The following MCF2L2 variants were observed in gnomAD, a reference collection of about 807,000 sequenced individuals.
MCF2L2 encodes probable guanine nucleotide exchange factor MCF2L2.
MCF2L2 carries 102 observed loss-of-function variants against 150.2 expected under a neutral mutation model. The observed-to-expected ratio is 0.68, with a 90% CI of 0.58 to 0.80. The LOEUF (loss-of-function observed/expected upper bound fraction) is 0.80. Ranked by LOEUF, MCF2L2 falls within the 30% of genes least tolerant of loss-of-function variation. The pLI, the probability that MCF2L2 is intolerant of heterozygous loss-of-function variation, is 0.00. For synonymous variants in MCF2L2, 465 were observed against 491.3 expected (o/e 0.95, Z 0.71); for missense variants, 1,256 against 1,372.8 (o/e 0.91, Z 1.34).
rs1426291190 is a variant in MCF2L2 at position 183,389,734 on chromosome 3, A to T, written c.122T>A (p.Ile41Lys). ...QEVRPLMAVE[I>K]IEQLHRQFAI... ...AAATTGTCTGTGAAGTTGTTCTATTATCTCCACCGCCATCAGGGGTCTGAC... is the reference window on the plus strand; with the variant it reads ...AAATTGTCTGTGAAGTTGTTCTATTTTCTCCACCGCCATCAGGGGTCTGAC... The change falls in exon 2 of 30, where the codon ATA becomes AAA. Residue 41 changes from isoleucine to lysine, a missense_variant. Ile to Lys is a moderately radical substitution (Grantham distance 102). Coordinates refer to ENST00000328913, the MANE Select transcript of MCF2L2 (RefSeq NM_015078.4). The T allele has an allele frequency of 6.2e-7, 1 of 1,614,196 alleles. No individual in the cohort carries two copies. The highest frequency in any genetic ancestry group is 1.7e-5 in the Admixed American group (1 of 60,026).
chr3:183,354,775 C>G (rs1711661269), intron 3 of MCF2L2, among the ~76,000 whole-genome samples: 1 of 152,160 alleles, frequency 6.6e-6, no homozygotes, highest in African/African-American at 2.4e-5. Flanking sequence ...TTAGGACCTC[C>G]TGAGGCTGTG....
chr3:183,247,333 G>C (rs1724304481), intron 15 of MCF2L2, among the ~76,000 whole-genome samples: 1 of 152,202 alleles, frequency 6.6e-6, no homozygotes, highest in African/African-American at 2.4e-5. Flanking sequence ...ACAGAAAAAG[G>C]GCTGGCTCAT....
chr3:183,249,158 A>C (rs984381502), intron 15 of MCF2L2, among the ~76,000 whole-genome samples: 3 of 152,210 alleles, frequency 2.0e-5, no homozygotes, highest in African/African-American at 7.2e-5. Context: ...CTCAATTTGC[A>C]TGTGCCCTCC....
intron 6 of MCF2L2, among the ~76,000 whole-genome samples, chr3:183,322,534 CTG>C (rs1282533068): frequency 1.3e-5 from 2 of 152,336 alleles, no homozygotes; most frequent in Non-Finnish European, 2.9e-5. Flanking sequence ...TAGAGAAATA[CTG>C]TGTTAGTCCC....
intron 10 of MCF2L2, among the ~76,000 whole-genome samples, chr3:183,304,107 T>C (rs1728983911): frequency 6.6e-6 from 1 of 152,206 alleles, no homozygotes; most frequent in Admixed American, 6.5e-5. Context: ...TAAATCATAT[T>C]TCAGACTTCA....
intron 15 of MCF2L2, among the ~76,000 whole-genome samples, chr3:183,244,370 G>T (rs1055822119): frequency 1.3e-5 from 2 of 152,142 alleles, no homozygotes; most frequent in African/African-American, 4.8e-5. Context: ...CAGACTGCAG[G>T]CTGCACTATC....
intron 1 of MCF2L2, among the ~76,000 whole-genome samples, chr3:183,395,917 C>CAAAAAAAAAAAAAAAAAAAAA (rs11338932): frequency 1.7e-5 from 1 of 58,102 alleles, no homozygotes; most frequent in Admixed American, 2.3e-4. Flanking sequence ...GACATCGTCT[C>CAAAAAAAAAAAAAAAAAAAAA]AAAAAAAAAA....
Position 183,297,122 on chromosome 3 carries a change from C to T in MCF2L2, c.1351G>A (p.Ala451Thr). ...EAGIYLLASQAVDKCQSREGV... is the reference protein window; with the variant it reads ...EAGIYLLASQTVDKCQSREGV... The stretch of plus-strand genomic sequence containing the variant: ...TCTCGAGACTGGCACTTGTCTACAG[C>T]TTGGGAAGCCAAGAGGTAGATTCCT... The change falls in exon 12 of 30, where the codon GCT (alanine) becomes ACT (threonine). Residue 451 changes from alanine (A) to threonine (T), a missense_variant. Ala to Thr is a moderately conservative substitution (Grantham distance 58). Coordinates refer to ENST00000328913, the MANE Select transcript of MCF2L2 (RefSeq NM_015078.4). The T allele has an allele frequency of 6.2e-7, 1 of 1,614,160 alleles. No individual in the cohort carries two copies. Among genetic ancestry groups the T allele is most frequent in the South Asian group, 1.1e-5 (1 of 91,084 alleles).
At chr3:183,273,299 G>C (rs1726944376) in intron 15 of MCF2L2, 2 of 303,768 alleles carry the variant, frequency 6.6e-6, no homozygotes, top group Non-Finnish European at 1.3e-5. Flanking sequence ...TTAAATATTT[G>C]TATTACTTGA....
chr3:183,223,684 T>C (rs1723242576), intron 19 of MCF2L2, among the ~76,000 whole-genome samples: 1 of 152,196 alleles, frequency 6.6e-6, no homozygotes, highest in African/African-American at 2.4e-5. Flanking sequence ...AACCATTTAT[T>C]TCTTTTAGAA....
At chr3:183,239,966 C>G (rs138936575) in intron 15 of MCF2L2, among the ~76,000 whole-genome samples, 1,990 of 152,270 alleles carry the variant, frequency 0.013, 13 homozygotes, top group Non-Finnish European at 0.019. Context: ...TTCAGTGGAA[C>G]TGACATTTTT....
intron 6 of MCF2L2, among the ~76,000 whole-genome samples, chr3:183,319,227 T>C (rs1729714478): frequency 6.6e-6 from 1 of 152,248 alleles, no homozygotes; most frequent in Admixed American, 6.5e-5. Flanking sequence ...AATCACTTTT[T>C]TTGCTCATCC....
chr3:183,315,922 G>C (rs978439413), intron 7 of MCF2L2, among the ~76,000 whole-genome samples: 1 of 152,186 alleles, frequency 6.6e-6, no homozygotes, highest in African/African-American at 2.4e-5. Context: ...TTGTCATCCC[G>C]GTGCTTCTGC....
rs1255163826 is a variant in MCF2L2 at position 183,318,143 on chromosome 3, T to C, written c.678A>G (p.Thr226=). Residue 226 remains threonine (T), a synonymous_variant, in exon 7 of 30, where the codon ACA becomes ACG. Transcript: ENST00000328913. ...MLQTFGSCLA[T]AELPRSMLST... Reference sequence around the variant, plus strand: ...ATAGCATGCTTCTGGGCAGCTCTGCTGTGGCCAGGCAGGACCCAAACGTCT... The same window carrying C: ...ATAGCATGCTTCTGGGCAGCTCTGCCGTGGCCAGGCAGGACCCAAACGTCT... 2 of 1,614,120 alleles carry C rather than the reference T, an allele frequency of 1.2e-6. No homozygotes were observed. Among genetic ancestry groups the C allele is most frequent in the African/African-American group, 2.7e-5 (2 of 74,930 alleles).
chr3:183,389,511 G>C (rs1163318841), intron 2 of MCF2L2, among the ~76,000 whole-genome samples, 185 bp downstream of exon 2: 1 of 152,190 alleles, frequency 6.6e-6, no homozygotes, highest in Non-Finnish European at 1.5e-5. Context: ...AAACAGCAAA[G>C]GGAATAATAT....
chr3:183,269,683 A>T, intron 15 of MCF2L2: 1 of 918,962 alleles, frequency 1.1e-6, no homozygotes, highest in Non-Finnish European at 1.6e-6. Context: ...TTCCATTTTT[A>T]ATGACCAACA....
intron 15 of MCF2L2, among the ~76,000 whole-genome samples, chr3:183,242,375 C>T (rs1724065697): frequency 6.6e-6 from 1 of 152,202 alleles, no homozygotes; most frequent in Non-Finnish European, 1.5e-5. Context: ...ATCACAGGCT[C>T]AGGCCTAGGA....
At chr3:183,284,232 T>C (rs1727665615) in intron 14 of MCF2L2, among the ~76,000 whole-genome samples, 1 of 152,162 alleles carries the variant, frequency 6.6e-6, no homozygotes. Flanking sequence ...ATTAATGTAA[T>C]CACCACCTCA....
intron 5 of MCF2L2, among the ~76,000 whole-genome samples, 165 bp downstream of exon 5, chr3:183,338,635 G>A (rs2108538544): frequency 6.6e-6 from 1 of 152,070 alleles, no homozygotes; most frequent in Non-Finnish European, 1.5e-5. Flanking sequence ...TCAGTCCATT[G>A]TGTACTTCCT....
Sources: gnomAD v4.1 joint callset for allele counts (sites outside exome capture counted in the v4.1 genomes callset) on GRCh38, gnomAD v4.1.1 for gene constraint, MANE v1.5 for transcripts, NCBI Gene and HGNC (gene_info 2026-07-23, HGNC 2026-07-21) for gene names.